Variants in CAGE1 observed in about 807,000 individuals in gnomAD.
CAGE1 encodes the protein cancer-associated gene 1 protein.
In CAGE1, 66 loss-of-function variants were observed where a neutral mutation model predicts 94.9. The observed-to-expected ratio is 0.70, with a 90% CI of 0.57 to 0.85. The LOEUF is 0.85. CAGE1 is among the 40% of genes least tolerant of loss of function. The pLI, the probability that CAGE1 is intolerant of heterozygous loss-of-function variation, is 0.00. For synonymous variants in CAGE1, 319 were observed against 321.0 expected, an observed-to-expected ratio of 0.99 and a Z score of 0.07; for missense variants, 865 against 950.4, an observed-to-expected ratio of 0.91 and a Z score of 1.18.
At chr6:7,376,400 A>G (rs943467587) in intron 4 of CAGE1, among the ~76,000 whole-genome samples, 1 of 141,952 alleles carries the variant, frequency 7.0e-6, no homozygotes, top group African/African-American at 2.5e-5. Flanking sequence ...AAATAAATAA[A>G]TAAATAAATA....
chr6:7,365,609 C>A, intron 8 of CAGE1, 34 bp from the exon 9 acceptor site: 1 of 1,581,878 alleles, frequency 6.3e-7, no homozygotes. Context: ...CACTTTCAAT[C>A]ATTTCATACT....
At chr6:7,334,725 C>CAAA (rs58790989) in intron 11 of CAGE1, among the ~76,000 whole-genome samples, 107 of 67,878 alleles carry the variant, frequency 1.6e-3, no homozygotes, top group Non-Finnish European at 2.3e-3. Flanking sequence ...GACTCTCTCT[C>CAAA]AAAAAAAAAA....
At chr6:7,330,851 A>G (rs966311202) in intron 12 of CAGE1, among the ~76,000 whole-genome samples, 3 of 152,352 alleles carry the variant, frequency 2.0e-5, no homozygotes, top group South Asian at 4.1e-4. Flanking sequence ...CCTAGACTCC[A>G]TTGTGAAAAT....
chr6:7,377,219 C>A (rs1274657338), intron 4 of CAGE1, among the ~76,000 whole-genome samples: 1 of 152,008 alleles, frequency 6.6e-6, no homozygotes, highest in Non-Finnish European at 1.5e-5. Context: ...GTAATAGATG[C>A]CTAAAAGTAT....
chr6:7,360,714 C>T (rs541430001), intron 9 of CAGE1, among the ~76,000 whole-genome samples: 8 of 152,174 alleles, frequency 5.3e-5, no homozygotes, highest in South Asian at 2.1e-4. Flanking sequence ...GAGGCCAAGG[C>T]GGGTGAATCA....
chr6:7,338,759 TCTG>T, intron 11 of CAGE1: 11 of 708,534 alleles, frequency 1.6e-5, no homozygotes, highest in Admixed American at 1.4e-4. Context: ...CTTTTTTTTT[TCTG>T]TCTTTGTACA....
At position 7,378,450 on chromosome 6, in the gene CAGE1, A is replaced by ATT. The variant is rs199971087; in HGVS notation, c.687+165_687+166dup. On this transcript the variant is annotated intron_variant, in intron 4 of 13. Coordinates refer to ENST00000502583, the MANE Select transcript of CAGE1 (RefSeq NM_001170692.2). ...TTAACACTACTTGGAAAAGTCTCAG[A>ATT]TTATATATATATATATACAATTTTT... Among the ~76,000 whole-genome samples, 422 of 150,318 alleles carry ATT rather than the reference A, an allele frequency of 2.8e-3. 4 individuals are homozygous for ATT. The highest frequency in any genetic ancestry group is 9.7e-3 in the African/African-American group (390 of 40,024).
At chr6:7,381,847 CT>C (rs1218001192) in intron 3 of CAGE1, among the ~76,000 whole-genome samples, 1,895 of 139,056 alleles carry the variant, frequency 0.014, 40 homozygotes, top group African/African-American at 0.046. Flanking sequence ...GTGCCTTTTT[CT>C]TTTTTTTTTT....
chr6:7,351,003 TAG>T (rs1277626362), intron 11 of CAGE1, among the ~76,000 whole-genome samples: 2 of 152,104 alleles, frequency 1.3e-5, no homozygotes, highest in Non-Finnish European at 2.9e-5. Flanking sequence ...ATAAAATTGA[TAG>T]ATCATTTATT....
In CAGE1 at chr6:7,362,322, G is replaced by A. The variant is rs1760192327; in HGVS notation, c.2193+3146C>T. 6.6e-6 allele frequency among the ~76,000 whole-genome samples: 1 copy of A among 152,172 alleles called. No homozygotes were observed. The highest frequency in any genetic ancestry group is 2.4e-5 in the African/African-American group (1 of 41,440). ...TCTATTTTACTGAAGATGGGATCTA[G>A]GAGGAACTTACTATGAGCCTCTTTG... On this transcript the variant is annotated intron_variant, in intron 9 of 13. Coordinates refer to ENST00000502583, the MANE Select transcript of CAGE1 (RefSeq NM_001170692.2). The surrounding 1 kb of genome is among the most constrained non-coding windows in gnomAD (Gnocchi z 4.1).
In CAGE1 at chr6:7,339,062, G is replaced by A; in HGVS notation, c.2370-4972C>T. 6.2e-7 allele frequency: 1 copy of A among 1,603,590 alleles called. No individual in the cohort carries two copies. The highest frequency in any genetic ancestry group is 8.5e-7 in the Non-Finnish European group (1 of 1,171,592). ...TGAGCAACACATGGCGCACAGCAGT[G>A]TCAACGTAGTAGTTAACAGGGTCTC... On this transcript the variant is annotated intron_variant, in intron 11 of 13. Coordinates refer to ENST00000502583, the MANE Select transcript of CAGE1 (RefSeq NM_001170692.2). The surrounding 1 kb of genome is among the most constrained non-coding windows in gnomAD (Gnocchi z 4.7).
intron 11 of CAGE1, among the ~76,000 whole-genome samples, chr6:7,343,055 G>C (rs1759246426): frequency 1.3e-5 from 2 of 151,998 alleles, no homozygotes; most frequent in African/African-American, 4.8e-5. Context: ...CAGGTGTGGT[G>C]GTGGGTGCCT....
chr6:7,345,065 G>A (rs528158061), intron 11 of CAGE1, among the ~76,000 whole-genome samples: 6 of 152,020 alleles, frequency 3.9e-5, no homozygotes, highest in South Asian at 4.2e-4. Context: ...GGCTGGTGTT[G>A]AAAGCTTTGT....
chr6:7,355,547 A>C (rs757516313), intron 10 of CAGE1, among the ~76,000 whole-genome samples: 2 of 152,262 alleles, frequency 1.3e-5, no homozygotes, highest in Non-Finnish European at 2.9e-5. Context: ...ACAATCTTTG[A>C]TAGCTTTCAG....
intron 11 of CAGE1, chr6:7,341,071 C>G (rs946793061): frequency 1.9e-6 from 1 of 519,616 alleles, no homozygotes; most frequent in African/African-American, 1.9e-5. Flanking sequence ...GAGGCCAGAG[C>G]TGCAGCTGTG....
rs1761260870 is a variant in CAGE1, at chr6:7,389,478, T to G, written c.-300A>C. On this transcript the variant is annotated 5_prime_UTR_variant, in exon 1 of 14. Transcript: ENST00000502583. ...GCCGGGGGAACTCCGCAGAGACAGG[T>G]GCAGCCCGCGAGGCCCGAGCGACCC... 2 of 381,514 alleles carry G rather than the reference T, an allele frequency of 5.2e-6. No homozygotes were observed. The highest frequency in any genetic ancestry group is 4.2e-5 in the African/African-American group (2 of 47,458). The allele number at this position is 381,514 out of a possible 1,614,324, so 23.6% of individuals were successfully genotyped here.
rs554296838 is a variant in CAGE1, at chr6:7,365,811, G to T, written c.2078C>A (p.Ala693Asp). The T allele has an allele frequency of 1.3e-6, 2 of 1,521,538 alleles. No individual in the cohort carries two copies. Among genetic ancestry groups the T allele is most frequent in the East Asian group, 2.5e-5 (1 of 40,680 alleles). 94.3% of individuals were successfully genotyped at this position (1,521,538 alleles called of 1,614,324 possible). A position where few individuals can be genotyped will look rare whatever the true frequency, so the allele number is the denominator to read the frequency against. ...IAKEKAFQDH[A>D]IKVIDCDSDE... ...AGTAAATATTAAGCTCACCTTAATA[G>T]CATGATCTTGAAATGCTTTTTCCTT... The change falls in exon 8 of 14, where the codon GCT becomes GAT. Residue 693 changes from alanine (A) to aspartate (D), a missense_variant. Ala to Asp is a moderately radical substitution (Grantham distance 126). Transcript: ENST00000502583.
intron 11 of CAGE1, among the ~76,000 whole-genome samples, chr6:7,353,941 G>C (rs980808454): frequency 1.3e-5 from 2 of 151,984 alleles, no homozygotes; most frequent in Non-Finnish European, 1.5e-5. Flanking sequence ...GGGACTTGTG[G>C]GGAAGTGTGG....
chr6:7,373,235 C>A lies in CAGE1; in HGVS notation c.1584G>T (p.Thr528=). Residue 528 remains threonine, a synonymous_variant, in exon 5 of 14, where the codon ACG becomes ACT. Transcript: ENST00000502583. The part of the protein sequence containing the change: ...NLQFMSENER[T]KNIKLQQQIN... ...TTTGCTGCTGAAGTTTTATATTCTT[C>A]GTTCTTTCATTTTCAGACATAAATT... 6.2e-7 allele frequency: 1 copy of A among 1,607,538 alleles called. No individual in the cohort carries two copies. Among genetic ancestry groups the A allele is most frequent in the South Asian group, 1.1e-5 (1 of 90,456 alleles).
Sources: gnomAD v4.1 joint callset for allele counts (sites outside exome capture counted in the v4.1 genomes callset) on GRCh38, gnomAD v4.1.1 for gene constraint, Gnocchi (gnomAD v3.1) non-coding constraint, MANE v1.5 for transcripts, NCBI Gene and HGNC (gene_info 2026-07-23, HGNC 2026-07-21) for gene names.